The following SCUBE2 variants were observed in gnomAD, a reference collection of about 807,000 sequenced individuals.
SCUBE2 encodes the protein signal peptide, CUB domain and EGF like domain containing 2, also known as signal peptide, CUB and EGF-like domain-containing protein 2.
SCUBE2 carries 114 observed loss-of-function variants against 125.9 expected under a neutral mutation model. The observed-to-expected ratio is 0.91, with a 90% CI of 0.78 to 1.06. The LOEUF is 1.06. Among genes scored for constraint, SCUBE2 ranks in the 50% least tolerant of loss-of-function variants. SCUBE2 has a pLI of 0.00. For missense variants in SCUBE2, 1,255 were observed against 1,301.8 expected, an observed-to-expected ratio of 0.96 and a Z score of 0.55; for synonymous variants, 459 against 492.9, an observed-to-expected ratio of 0.93 and a Z score of 0.91.
intron 8 of SCUBE2, 51 bp downstream of exon 8, chr11:9,060,357 G>T: frequency 2.2e-6 from 3 of 1,391,508 alleles, no homozygotes; most frequent in Non-Finnish European, 1.0e-6. Flanking sequence ...AGCGGCATGG[G>T]CCCTCCCTCC....
intron 4 of SCUBE2, among the ~76,000 whole-genome samples, chr11:9,070,194 G>A (rs181611257): frequency 1.1e-4 from 16 of 152,280 alleles, no homozygotes; most frequent in East Asian, 5.8e-4. Context: ...GAGTGTGCTC[G>A]TGTGTGGTAG....
intron 8 of SCUBE2, chr11:9,059,654 T>G: frequency 1.9e-6 from 1 of 533,936 alleles, no homozygotes; most frequent in Non-Finnish European, 3.3e-6. Flanking sequence ...TGACTTATGA[T>G]GCCCTTGATT....
Position 9,029,953 on chromosome 11 carries a change from TA to T in SCUBE2, c.2433del (p.Asn811LysfsTer20). On this transcript the variant is annotated frameshift_variant, in exon 19 of 23. Transcript: ENST00000649792. LOFTEE classifies it high-confidence loss of function. The part of the protein sequence containing the change: ...VGTYQPEFGK[N>X]NCVSCPGNTT... ...GTATTTCCTGGGCAAGAAACACAAT[TA>T]TTTTTTCCAAATTCAGGCTGGTATG... is the stretch of plus-strand genomic sequence containing the variant. 1.2e-6 allele frequency: 2 copies of T among 1,614,190 alleles called. No homozygotes were observed. Among genetic ancestry groups the T allele is most frequent in the Non-Finnish European group, 1.7e-6 (2 of 1,180,030 alleles).
rs371068962 is a variant in SCUBE2 at position 9,089,860 on chromosome 11, A to G, written c.134-31T>C. On this transcript the variant is annotated intron_variant, in intron 1 of 22. Coordinates refer to ENST00000649792, the MANE Select transcript of SCUBE2 (RefSeq NM_001367977.2). ...AAAGAGCACAGCTGACACCTGGTAC[A>G]GGCTCCCAGGCCATGTGTGATCTGG... is the stretch of plus-strand genomic sequence containing the variant. 4 of 1,608,620 alleles carry G rather than the reference A, an allele frequency of 2.5e-6. No individual in the cohort carries two copies. The African/African-American group carries it at 4.0e-5, about 16-fold the overall frequency.
At chr11:9,069,638 T>A in intron 4 of SCUBE2, 143 bp from the exon 5 acceptor site, 2 of 1,071,026 alleles carry the variant, frequency 1.9e-6, no homozygotes, top group Non-Finnish European at 2.7e-6. Flanking sequence ...TATATGTCAT[T>A]AAAGTCAACC....
rs189465013 is a variant in SCUBE2 at position 9,051,744 on chromosome 11, T to C, written c.1534+1002A>G. Among the ~76,000 whole-genome samples, 8 of 152,332 alleles carry C rather than the reference T, an allele frequency of 5.3e-5. No individual in the cohort carries two copies. In the East Asian group the frequency reaches 1.3e-3, roughly 26 times the overall value. ...AGGCTGTTGTAAGGATAAAATGAGA[T>C]AATGCATTTAAAAAAAGGAAAATGT... On this transcript the variant is annotated intron_variant, in intron 13 of 22. Transcript: ENST00000649792.
intron 7 of SCUBE2, 114 bp downstream of exon 7, chr11:9,065,777 C>T: frequency 1.2e-6 from 1 of 832,452 alleles, no homozygotes. Flanking sequence ...GAGCTGCTCA[C>T]CCCAGTCCAG....
intron 16 of SCUBE2, among the ~76,000 whole-genome samples, chr11:9,045,685 G>T (rs1326652559): frequency 6.6e-6 from 1 of 150,590 alleles, no homozygotes; most frequent in East Asian, 1.9e-4. Context: ...CTGCCTTCTG[G>T]ATAAAAAGCC....
At chr11:9,044,664 C>T (rs942830202) in intron 16 of SCUBE2, among the ~76,000 whole-genome samples, 3 of 152,220 alleles carry the variant, frequency 2.0e-5, no homozygotes, top group Non-Finnish European at 4.4e-5. Context: ...CCTTTCTCAT[C>T]AGATTCGGGA....
rs1855677352 is a variant in SCUBE2, at chr11:9,025,723, C to T, written c.2833G>A (p.Val945Ile). The change falls in exon 21 of 23, where the codon GTC becomes ATC. Residue 945 changes from valine to isoleucine, a missense_variant. Coordinates refer to ENST00000649792, the MANE Select transcript of SCUBE2 (RefSeq NM_001367977.2). ...NEGNSARGFQ[V>I]PYVTYDEDYQ... ...TTACCATCATATGTCACGTATGGGA[C>T]CTGGAACCCTCTAGCGCTGTTCCCT... 1 of 1,614,026 alleles carries T rather than the reference C, an allele frequency of 6.2e-7. No homozygotes were observed. The highest frequency in any genetic ancestry group is 1.3e-5 in the African/African-American group (1 of 74,920).
At chr11:9,024,436 C>G (rs966877364) in intron 21 of SCUBE2, 15 of 1,280,470 alleles carry the variant, frequency 1.2e-5, no homozygotes, top group Non-Finnish European at 6.1e-6. Flanking sequence ...GATGATGATC[C>G]GTGCTTTTGT....
At position 9,091,297 on chromosome 11, in the gene SCUBE2, C is replaced by G; in HGVS notation, c.133+99G>C. On this transcript the variant is annotated intron_variant, in intron 1 of 22. Coordinates refer to ENST00000649792, the MANE Select transcript of SCUBE2 (RefSeq NM_001367977.2). The surrounding 1 kb of genome is among the most constrained non-coding windows in gnomAD (Gnocchi z 8.5). ...CCCGCGGAGCTGCAGCCGCCAGCCC[C>G]GAGCCCCGCGCGCCCGGCTCTGGAC... 1.1e-6 allele frequency: 1 copy of G among 881,876 alleles called. No individual in the cohort carries two copies. The allele number at this position is 881,876 out of a possible 1,614,324, so 54.6% of individuals were successfully genotyped here. A position where few individuals can be genotyped will look rare whatever the true frequency, so the allele number is the denominator to read the frequency against.
chr11:9,091,430 C>CG lies in SCUBE2; in HGVS notation c.98dup (p.Pro34AlafsTer15). 1.5e-6 allele frequency: 2 copies of CG among 1,332,014 alleles called. No homozygotes were observed. The highest frequency in any genetic ancestry group is 1.9e-6 in the Non-Finnish European group (2 of 1,042,790). 82.5% of individuals were successfully genotyped at this position (1,332,014 alleles called of 1,614,324 possible). A position where few individuals can be genotyped will look rare whatever the true frequency, so the allele number is the denominator to read the frequency against. ...GCCCCGCGGCACGGCCCCGACCCGG[C>CG]GGGACGGCCCCCGCCAGCAGCAGCA... On this transcript the variant is annotated frameshift_variant, in exon 1 of 23. Coordinates refer to ENST00000649792, the MANE Select transcript of SCUBE2 (RefSeq NM_001367977.2). LOFTEE classifies it high-confidence loss of function. The surrounding 1 kb of genome is among the most constrained non-coding windows in gnomAD (Gnocchi z 8.5).
intron 10 of SCUBE2, among the ~76,000 whole-genome samples, chr11:9,054,718 TATA>T (rs1858864506): frequency 2.9e-4 from 23 of 79,792 alleles, no homozygotes; most frequent in East Asian, 1.1e-3. Context: ...TATATATATA[TATA>T]TATATTTTTT....
intron 16 of SCUBE2, among the ~76,000 whole-genome samples, chr11:9,038,682 T>G (rs569650778): frequency 7.4e-4 from 113 of 151,986 alleles, no homozygotes; most frequent in African/African-American, 2.6e-3. Context: ...TGCAATGAGA[T>G]TGCCTAATAG....
chr11:9,066,865 G>A lies in SCUBE2; in HGVS notation c.644-52C>T, dbSNP rs182700373. On this transcript the variant is annotated intron_variant, in intron 5 of 22. Transcript: ENST00000649792. ...AAGCACTGAGATTTCCACAAACACAGGGCTGTGTTTGCTCCAGAGAAATTC... is the reference window on the plus strand; with the variant it reads ...AAGCACTGAGATTTCCACAAACACAAGGCTGTGTTTGCTCCAGAGAAATTC... The A allele has an allele frequency of 4.3e-4, 619 of 1,433,162 alleles. 3 individuals carry two copies. The African/African-American group carries it at 7.5e-3, about 17-fold the overall frequency. 88.8% of individuals were successfully genotyped at this position (1,433,162 alleles called of 1,614,324 possible).
intron 3 of SCUBE2, 139 bp downstream of exon 3, chr11:9,079,245 A>G (rs1452190604): frequency 1.4e-5 from 12 of 841,632 alleles, no homozygotes; most frequent in East Asian, 2.7e-5. Flanking sequence ...CTCATTTTCT[A>G]TCACGGAGTC....
intron 3 of SCUBE2, among the ~76,000 whole-genome samples, chr11:9,078,650 C>A (rs552512296): frequency 6.6e-6 from 1 of 152,146 alleles, no homozygotes; most frequent in African/African-American, 2.4e-5. Flanking sequence ...TATGAAGGGT[C>A]GTGAGTGTCA....
intron 7 of SCUBE2, among the ~76,000 whole-genome samples, chr11:9,065,458 C>T (rs1243304585): frequency 6.6e-6 from 1 of 152,164 alleles, no homozygotes; most frequent in Non-Finnish European, 1.5e-5. Context: ...CCTGAGGCCT[C>T]CCCAGCCATG....
Sources: gnomAD v4.1 joint callset for allele counts (sites outside exome capture counted in the v4.1 genomes callset) on GRCh38, gnomAD v4.1.1 for gene constraint, Gnocchi (gnomAD v3.1) non-coding constraint, MANE v1.5 for transcripts, NCBI Gene and HGNC (gene_info 2026-07-23, HGNC 2026-07-21) for gene names.